Variants in FCN2 observed in about 807,000 individuals in gnomAD.
FCN2 encodes the protein ficolin-2.
In FCN2, 31 loss-of-function variants were observed where a neutral mutation model predicts 32.5. That is an observed-to-expected ratio of 0.96 (90% CI 0.72 to 1.29). The LOEUF (loss-of-function observed/expected upper bound fraction) is 1.29, where lower values mean the gene tolerates loss of function less well. Ranked by LOEUF, FCN2 falls within the 50% of genes most tolerant of loss-of-function variation. FCN2 has a pLI of 0.00. For missense variants in FCN2, 412 were observed against 406.5 expected (o/e 1.01, Z -0.12); for synonymous variants, 181 against 164.5 (o/e 1.10, Z -0.77).
chr9:134,868,933 T>A, the FCN2 span, among the ~76,000 whole-genome samples: 1 of 152,240 alleles, frequency 6.6e-6, no homozygotes, highest in Non-Finnish European at 1.5e-5. This position sits in a 1 kb window ranked among gnomAD's most constrained non-coding sequence, Gnocchi z 4.3. Flanking sequence ...GGCACAGCCA[T>A]GCCCATGGCT....
chr9:134,870,728 ACT>A, the FCN2 span, among the ~76,000 whole-genome samples: 3 of 151,468 alleles, frequency 2.0e-5, no homozygotes, highest in Non-Finnish European at 2.9e-5. This position sits in a 1 kb window ranked among gnomAD's most constrained non-coding sequence, Gnocchi z 4.3. Flanking sequence ...AAGCCCCCAG[ACT>A]CTGAGTCGTC....
rs781731932 is a variant in FCN2 at position 134,882,629 on chromosome 9, T to G, written c.204T>G (p.Asn68Lys). 3.9e-5 allele frequency: 63 copies of G among 1,610,644 alleles called. No individual in the cohort carries two copies. Among genetic ancestry groups the G allele is most frequent in the Non-Finnish European group, 1.3e-5 (15 of 1,177,188 alleles). Reference protein sequence around the residue: ...APGPKGEAGTNGKRGERGPPG... With the variant: ...APGPKGEAGTKGKRGERGPPG... ...GGCCCAAGGGAGAGGCAGGCACCAATGGAAAGAGAGGTAGGTGCAGGCATG... is the reference window on the plus strand; with the variant it reads ...GGCCCAAGGGAGAGGCAGGCACCAAGGGAAAGAGAGGTAGGTGCAGGCATG... Residue 68 changes from asparagine to lysine, a missense_variant, in exon 2 of 8, where the codon AAT (asparagine) becomes AAG (lysine). Asn to Lys is a moderately conservative substitution (Grantham distance 94). Transcript: ENST00000291744.
At chr9:134,874,516 T>C in the FCN2 span, among the ~76,000 whole-genome samples, 1 of 152,252 alleles carries the variant, frequency 6.6e-6, no homozygotes, top group African/African-American at 2.4e-5. Context: ...AATATCAATT[T>C]CCACATCCAC....
chr9:134,882,783 C>T, intron 2 of FCN2, 144 bp downstream of exon 2: 2 of 623,722 alleles, frequency 3.2e-6, no homozygotes, highest in South Asian at 3.9e-5. Context: ...ACTCCCAGGG[C>T]CCAACAGGGT....
intron 4 of FCN2, among the ~76,000 whole-genome samples, 172 bp from the exon 5 acceptor site, chr9:134,885,067 G>A (rs1486669489): frequency 2.0e-5 from 3 of 152,318 alleles, no homozygotes; most frequent in South Asian, 4.1e-4. Flanking sequence ...AACTGGCTGC[G>A]GCCATCACAG....
At chr9:134,872,701 C>G in the FCN2 span, among the ~76,000 whole-genome samples, 1 of 152,086 alleles carries the variant, frequency 6.6e-6, no homozygotes, top group Non-Finnish European at 1.5e-5. Context: ...TTCACCATCA[C>G]GAGAACAGCA....
At chr9:134,882,724 C>A in intron 2 of FCN2, 85 bp downstream of exon 2, 1 of 953,222 alleles carries the variant, frequency 1.0e-6, no homozygotes, top group Non-Finnish European at 1.6e-6. Context: ...ACCATGGTTC[C>A]TAGATCGAGA....
chr9:134,880,192 C>T (rs575101560), upstream of FCN2, among the ~76,000 whole-genome samples: 3 of 152,290 alleles, frequency 2.0e-5, no homozygotes, highest in South Asian at 6.2e-4. Context: ...CCCAGGCTCC[C>T]CACTCTTCTC....
At chr9:134,869,387 C>A in the FCN2 span, among the ~76,000 whole-genome samples, 1 of 152,238 alleles carries the variant, frequency 6.6e-6, no homozygotes, top group South Asian at 2.1e-4. Flanking sequence ...CCGTGGGTTG[C>A]ATAAGGCCTG....
At chr9:134,872,745 C>T in the FCN2 span, among the ~76,000 whole-genome samples, 3 of 152,086 alleles carry the variant, frequency 2.0e-5, no homozygotes, top group Non-Finnish European at 4.4e-5. Flanking sequence ...CAGTTACCTC[C>T]TACCGGGTCC....
chr9:134,886,696 A>T, intron 7 of FCN2, 132 bp downstream of exon 7: 1 of 989,634 alleles, frequency 1.0e-6, no homozygotes, highest in South Asian at 1.5e-5. Context: ...CCATCTCTAC[A>T]TGCAGACACT....
In FCN2 at chr9:134,885,794, T is replaced by C. The variant is rs2133007379; in HGVS notation, c.456T>C (p.Ser152=). The change falls in exon 6 of 8, where the codon TCT becomes TCC. Residue 152 remains serine (S), a synonymous_variant. Transcript: ENST00000291744. ...WTVFQRRVDG[S]VDFYRDWATY... Reference sequence around the variant, plus strand: ...TTTTCCAGCGGAGGGTGGATGGCTCTGTGGACTTCTACCGGGACTGGGCCA... The same window carrying C: ...TTTTCCAGCGGAGGGTGGATGGCTCCGTGGACTTCTACCGGGACTGGGCCA... 6.2e-7 allele frequency: 1 copy of C among 1,614,044 alleles called. No homozygotes were observed. Among genetic ancestry groups the C allele is most frequent in the Non-Finnish European group, 8.5e-7 (1 of 1,179,970 alleles).
At chr9:134,865,828 T>A in the FCN2 span, among the ~76,000 whole-genome samples, 1 of 152,166 alleles carries the variant, frequency 6.6e-6, no homozygotes, top group South Asian at 2.1e-4. Context: ...ATCACAAGCA[T>A]TCTTATACAC....
intron 4 of FCN2, 39 bp from the exon 5 acceptor site, chr9:134,885,200 G>A: frequency 5.6e-6 from 9 of 1,613,580 alleles, no homozygotes; most frequent in Non-Finnish European, 7.6e-6. Context: ...CCTGCCCAGG[G>A]CTCCTGTCCT....
At chr9:134,886,712 C>T in intron 7 of FCN2, 148 bp downstream of exon 7, 2 of 886,478 alleles carry the variant, frequency 2.3e-6, no homozygotes, top group Non-Finnish European at 3.5e-6. Flanking sequence ...ACACTAACAT[C>T]TGTGCTCTGT....
At chr9:134,872,720 C>G in the FCN2 span, among the ~76,000 whole-genome samples, 1 of 152,142 alleles carries the variant, frequency 6.6e-6, no homozygotes, top group African/African-American at 2.4e-5. Context: ...CACGAGAAGA[C>G]CCGCCCTCGT....
the FCN2 span, among the ~76,000 whole-genome samples, chr9:134,868,959 G>A: frequency 6.6e-6 from 1 of 152,190 alleles, no homozygotes; most frequent in Admixed American, 6.5e-5. The surrounding 1 kb of genome is among the most constrained non-coding windows in gnomAD (Gnocchi z 4.3). Context: ...ATTGTCTCTG[G>A]TTGGTTTCTA....
rs1259794931 is a variant in FCN2 at position 134,887,163 on chromosome 9, C to T, written c.695-5C>T. The T allele has an allele frequency of 1.9e-6, 3 of 1,614,030 alleles. No individual in the cohort carries two copies. In the Admixed American group the frequency reaches 5.0e-5, roughly 27 times the overall value. On this transcript the variant is annotated splice_region_variant and splice_polypyrimidine_tract_variant and intron_variant, in intron 7 of 7. Transcript: ENST00000291744. ...GTAACGATGCTCACATTTCCTCCTG[C>T]ACAGGAGATTCCCTGACGTTCCACA...
In FCN2 at chr9:134,881,671, C is replaced by T. The variant is rs551749564; in HGVS notation, c.100+750C>T. Among the ~76,000 whole-genome samples the T allele has an allele frequency of 2.9e-4, 44 of 152,234 alleles. No homozygotes were observed. In the South Asian group the frequency reaches 7.7e-3, roughly 27 times the overall value. On this transcript the variant is annotated intron_variant, in intron 1 of 7. Coordinates refer to ENST00000291744, the MANE Select transcript of FCN2 (RefSeq NM_004108.3). ...AATGCATGTGAGACACAGAGCTCTG[C>T]GGTGTGCTGTGACTAGCATCGCATT...
Sources: gnomAD v4.1 joint callset for allele counts (sites outside exome capture counted in the v4.1 genomes callset) on GRCh38, gnomAD v4.1.1 for gene constraint, Gnocchi (gnomAD v3.1) non-coding constraint, MANE v1.5 for transcripts, NCBI Gene and HGNC (gene_info 2026-07-23, HGNC 2026-07-21) for gene names.